KHDRBS3: variants seen among roughly 807,000 people sequenced by gnomAD.
KHDRBS3 encodes the protein KH RNA binding domain containing, signal transduction associated 3.
A neutral mutation model predicts 45.6 loss-of-function variants in KHDRBS3; 23 were observed. The observed-to-expected ratio is 0.50, with a 90% CI of 0.36 to 0.72. The LOEUF is 0.72. Among genes scored for constraint, KHDRBS3 ranks in the 30% least tolerant of loss-of-function variants. The probability of loss-of-function intolerance (pLI) is 0.00; values close to 1 mark genes in which losing one functional copy is unlikely to be tolerated. For missense variants in KHDRBS3, 352 were observed against 424.8 expected, an observed-to-expected ratio of 0.83 and a Z score of 1.51; for synonymous variants, 162 against 156.5, an observed-to-expected ratio of 1.04 and a Z score of -0.26.
chr8:135,548,202 G>A lies in KHDRBS3; in HGVS notation c.325-552G>A, dbSNP rs569661611. Among the ~76,000 whole-genome samples the A allele has an allele frequency of 2.6e-5, 4 of 152,260 alleles. No homozygotes were observed. In the South Asian group the frequency reaches 6.2e-4, roughly 24 times the overall value. On this transcript the variant is annotated intron_variant, in intron 3 of 8. Transcript: ENST00000355849. ...CATCTGTATACCAAGCACTTCTCTA[G>A]ACATGGAAAATGCATCACTAAGCAA...
chr8:135,603,537 T>A (rs1048885526), intron 6 of KHDRBS3, among the ~76,000 whole-genome samples: 1 of 152,204 alleles, frequency 6.6e-6, no homozygotes, highest in Non-Finnish European at 1.5e-5. Context: ...TGTGTTATAG[T>A]CATATTCATG....
chr8:135,651,837 G>T (rs1471933318), downstream of KHDRBS3, among the ~76,000 whole-genome samples: 1 of 152,148 alleles, frequency 6.6e-6, no homozygotes, highest in African/African-American at 2.4e-5. Context: ...CTAACAGGCA[G>T]TGTTAGGAAC....
chr8:135,490,715 A>G (rs1309826000), intron 1 of KHDRBS3, among the ~76,000 whole-genome samples: 1 of 152,216 alleles, frequency 6.6e-6, no homozygotes, highest in Non-Finnish European at 1.5e-5. Context: ...GTAGTGTAGA[A>G]TATGAATCAC....
intron 4 of KHDRBS3, among the ~76,000 whole-genome samples, chr8:135,550,360 T>A (rs1464784905): frequency 1.3e-5 from 2 of 152,174 alleles, no homozygotes; most frequent in East Asian, 1.9e-4. Flanking sequence ...ATTTTAAAAA[T>A]TTTTCAGTAT....
At chr8:135,556,427 C>T (rs904991897) in intron 4 of KHDRBS3, among the ~76,000 whole-genome samples, 4 of 152,138 alleles carry the variant, frequency 2.6e-5, no homozygotes, top group African/African-American at 9.7e-5. Context: ...GATTGCCATT[C>T]TAACTGGTGT....
intron 4 of KHDRBS3, among the ~76,000 whole-genome samples, chr8:135,554,484 G>C (rs1826778138): frequency 6.6e-6 from 1 of 152,076 alleles, no homozygotes; most frequent in Non-Finnish European, 1.5e-5. Context: ...AAATGGCTGG[G>C]AACATACTAA....
intron 1 of KHDRBS3, among the ~76,000 whole-genome samples, chr8:135,497,894 A>G (rs775049194): frequency 6.6e-6 from 1 of 152,198 alleles, no homozygotes; most frequent in Non-Finnish European, 1.5e-5. Context: ...CTTCTCAAAA[A>G]TACATTCTTA....
intron 7 of KHDRBS3, chr8:135,625,672 T>G (rs1830325787): frequency 1.2e-6 from 1 of 819,834 alleles, no homozygotes; most frequent in Non-Finnish European, 2.1e-6. Flanking sequence ...AATTCAAAAT[T>G]TTCCTGAAAC....
chr8:135,509,819 T>C (rs1824182760), intron 1 of KHDRBS3, among the ~76,000 whole-genome samples: 1 of 152,202 alleles, frequency 6.6e-6, no homozygotes. Flanking sequence ...TACAAAATTT[T>C]AATAATTCTG....
At chr8:135,467,114 C>T (rs946090943) in intron 1 of KHDRBS3, among the ~76,000 whole-genome samples, 1 of 152,128 alleles carries the variant, frequency 6.6e-6, no homozygotes, top group Non-Finnish European at 1.5e-5. Flanking sequence ...TGTACACCTA[C>T]TGTGTACCCC....
chr8:135,570,381 C>G (rs774352944), intron 5 of KHDRBS3, among the ~76,000 whole-genome samples: 1 of 152,062 alleles, frequency 6.6e-6, no homozygotes, highest in African/African-American at 2.4e-5. Flanking sequence ...TACTTTCCTT[C>G]TATAGTGTAT....
chr8:135,598,130 A>G (rs1369929529), intron 6 of KHDRBS3, among the ~76,000 whole-genome samples: 68 of 152,234 alleles, frequency 4.5e-4, no homozygotes, highest in Admixed American at 2.4e-3. Context: ...AAGTGATTGC[A>G]GGATGGAAAT....
intron 2 of KHDRBS3, among the ~76,000 whole-genome samples, chr8:135,533,054 A>AT (rs1176150092): frequency 3.3e-5 from 5 of 152,214 alleles, no homozygotes; most frequent in Non-Finnish European, 7.4e-5. Flanking sequence ...TGAACTCAAG[A>AT]TTTTTTTACT....
intron 1 of KHDRBS3, among the ~76,000 whole-genome samples, chr8:135,469,427 A>G (rs543057547): frequency 1.1e-3 from 166 of 150,188 alleles, no homozygotes; most frequent in African/African-American, 3.8e-3. Flanking sequence ...AGCTGGGACT[A>G]CAGGCGCCCG....
intron 4 of KHDRBS3, among the ~76,000 whole-genome samples, chr8:135,553,034 T>C (rs1826688393): frequency 6.6e-6 from 1 of 152,180 alleles, no homozygotes; most frequent in South Asian, 2.1e-4. Flanking sequence ...TTTGCCTCAC[T>C]CTCTTCTTGC....
chr8:135,484,496 A>C (rs1369265160), intron 1 of KHDRBS3, among the ~76,000 whole-genome samples: 1 of 152,228 alleles, frequency 6.6e-6, no homozygotes, highest in African/African-American at 2.4e-5. Context: ...ATTGCCATGA[A>C]CTGGCTCTGG....
chr8:135,482,152 G>C (rs924256302), intron 1 of KHDRBS3, among the ~76,000 whole-genome samples: 1 of 152,150 alleles, frequency 6.6e-6, no homozygotes, highest in Non-Finnish European at 1.5e-5. Flanking sequence ...CTTCTTTCTG[G>C]TTTTCTTCTG....
At chr8:135,511,440 T>C (rs771274452) in intron 1 of KHDRBS3, among the ~76,000 whole-genome samples, 3 of 152,356 alleles carry the variant, frequency 2.0e-5, no homozygotes, top group Middle Eastern at 6.8e-3. Flanking sequence ...GTCTTCCTTT[T>C]TGGAAATTTG....
In KHDRBS3 at chr8:135,627,536, A is replaced by G. The variant is rs112343994; in HGVS notation, c.891-17523A>G. On this transcript the variant is annotated intron_variant, in intron 7 of 8. Transcript: ENST00000355849. The stretch of plus-strand genomic sequence containing the variant: ...AGGTGAAGATGCATGTTAAACAGGC[A>G]GCAACAAATGCCTATTGGTTCTTAC... Among the ~76,000 whole-genome samples the G allele has an allele frequency of 4.1e-3, 631 of 152,378 alleles. 11 individuals are homozygous for G. Among genetic ancestry groups the G allele is most frequent in the African/African-American group, 0.014 (574 of 41,588 alleles).
Sources: allele counts gnomAD v4.1 joint callset (sites outside exome capture counted in the v4.1 genomes callset), GRCh38; gene constraint gnomAD v4.1.1; transcripts MANE v1.5; gene names NCBI Gene and HGNC (gene_info 2026-07-23, HGNC 2026-07-21).